The following MGME1 variants were observed in gnomAD, a reference collection of about 807,000 sequenced individuals.
MGME1 encodes chromosome 20 open reading frame 72.
MGME1 carries 22 observed loss-of-function variants against 33.0 expected under a neutral mutation model. The observed-to-expected ratio is 0.67, with a 90% confidence interval of 0.48 to 0.95. The LOEUF is 0.95. Ranked by LOEUF, MGME1 falls within the 40% of genes least tolerant of loss-of-function variation. The probability of loss-of-function intolerance (pLI) is 0.00; values close to 1 mark genes in which losing one functional copy is unlikely to be tolerated. For missense variants in MGME1, 383 were observed against 397.8 expected, an observed-to-expected ratio of 0.96 and a Z score of 0.32; for synonymous variants, 133 against 144.0, an observed-to-expected ratio of 0.92 and a Z score of 0.55.
At chr20:17,974,479 C>CG (rs1295034078) in intron 2 of MGME1, among the ~76,000 whole-genome samples, 2 of 152,044 alleles carry the variant, frequency 1.3e-5, no homozygotes, top group Non-Finnish European at 2.9e-5. Context: ...TCCTGGGATA[C>CG]GCCAACAAAT....
At chr20:17,981,600 C>T (rs1245056193) in intron 3 of MGME1, among the ~76,000 whole-genome samples, 1 of 151,976 alleles carries the variant, frequency 6.6e-6, no homozygotes, top group Non-Finnish European at 1.5e-5. Context: ...CTCAGCCTCC[C>T]AAAGTGCTGG....
In MGME1 at chr20:17,969,833, A is replaced by G. The variant is rs201314304; in HGVS notation, c.-27A>G. ...AACATAAAGGCCTTCGACCGTTGCA[A>G]ATAGACTAAAGTGAAAACAAATCTG... On this transcript the variant is annotated 5_prime_UTR_variant, in exon 2 of 5. Transcript: ENST00000377710. 201 of 1,577,078 alleles carry G rather than the reference A, an allele frequency of 1.3e-4. 1 individual carries two copies. Among genetic ancestry groups the G allele is most frequent in the Admixed American group, 2.3e-4 (12 of 52,394 alleles).
At position 17,975,687 on chromosome 20, in the gene MGME1, T is replaced by C; in HGVS notation, c.515T>C (p.Val172Ala). The C allele has an allele frequency of 1.9e-6, 3 of 1,611,870 alleles. No homozygotes were observed. Among genetic ancestry groups the C allele is most frequent in the Non-Finnish European group, 2.5e-6 (3 of 1,178,234 alleles). Reference sequence around the variant, plus strand: ...TTTTCCCTGATTTTCTTTTCAGACGTCTTTTTACAAGGGAAACGGTTCCAC... The same window carrying C: ...TTTTCCCTGATTTTCTTTTCAGACGCCTTTTTACAAGGGAAACGGTTCCAC... ...EDGFKEYTSNVFLQGKRFHEA... is the reference protein window; with the variant it reads ...EDGFKEYTSNAFLQGKRFHEA... Residue 172 changes from valine (V) to alanine (A), a missense_variant, in exon 3 of 5, where the codon GTC becomes GCC. Coordinates refer to ENST00000377710, the MANE Select transcript of MGME1 (RefSeq NM_052865.4).
upstream of MGME1, chr20:17,968,870 C>G: frequency 5.9e-6 from 1 of 168,478 alleles, no homozygotes; most frequent in Non-Finnish European, 1.3e-5. Flanking sequence ...GTCACCAGAT[C>G]TCGTGAGAGC....
chr20:17,976,624 AC>A (rs1234788370), intron 3 of MGME1, among the ~76,000 whole-genome samples: 1 of 152,066 alleles, frequency 6.6e-6, no homozygotes, highest in African/African-American at 2.4e-5. Context: ...AGAGATCTGA[AC>A]TTACTAAAGC....
intron 3 of MGME1, among the ~76,000 whole-genome samples, chr20:17,982,151 G>A (rs1197049037): frequency 2.6e-5 from 4 of 152,124 alleles, no homozygotes; most frequent in East Asian, 1.9e-4. Flanking sequence ...TTCTTGAGAC[G>A]GAGTTTCACC....
chr20:17,990,417 G>GGGA lies in MGME1; in HGVS notation c.*310_*311insAGG. On this transcript the variant is annotated 3_prime_UTR_variant, in exon 5 of 5. Coordinates refer to ENST00000377710, the MANE Select transcript of MGME1 (RefSeq NM_052865.4). ...TACTCCCTTGAGGGACATTGGGGGG[G>GGGA]GGGGGGCGTGGTCCCAGGCAGGATG... 2.9e-6 allele frequency: 1 copy of GGGA among 340,108 alleles called. No homozygotes were observed. Among genetic ancestry groups the GGGA allele is most frequent in the Non-Finnish European group, 5.4e-6 (1 of 183,594 alleles). The allele number at this position is 340,108 out of a possible 1,614,324, so 21.1% of individuals were successfully genotyped here.
rs1555792155 is a variant in MGME1, at chr20:17,990,410, T to TGTGGGG, written c.*302_*303insTGGGGG. 1 of 44,504 alleles carries TGTGGGG rather than the reference T, an allele frequency of 2.2e-5. No homozygotes were observed. Among genetic ancestry groups the TGTGGGG allele is most frequent in the African/African-American group, 1.4e-4 (1 of 7,190 alleles). The allele number at this position is 44,504 out of a possible 1,614,324, so 2.8% of individuals were successfully genotyped here. A position where few individuals can be genotyped will look rare whatever the true frequency, so the allele number is the denominator to read the frequency against. ...ACTCTTGTACTCCCTTGAGGGACATTGGGGGGGGGGGGGCGTGGTCCCAGG... is the reference window on the plus strand; with the variant it reads ...ACTCTTGTACTCCCTTGAGGGACATTGTGGGGGGGGGGGGGGGGGCGTGGTCCCAGG... On this transcript the variant is annotated 3_prime_UTR_variant, in exon 5 of 5. Coordinates refer to ENST00000377710, the MANE Select transcript of MGME1 (RefSeq NM_052865.4).
intron 3 of MGME1, among the ~76,000 whole-genome samples, chr20:17,978,320 T>C (rs2035919446): frequency 6.6e-6 from 1 of 152,176 alleles, no homozygotes; most frequent in Non-Finnish European, 1.5e-5. Context: ...TTCTCCTGCC[T>C]CAGCCTCCCA....
chr20:17,974,070 T>G (rs1039802321), intron 2 of MGME1, among the ~76,000 whole-genome samples: 4 of 144,888 alleles, frequency 2.8e-5, no homozygotes, highest in African/African-American at 1.0e-4. Context: ...TGTTTTTTTT[T>G]TTTTTTTTTT....
At chr20:17,973,944 T>C (rs1243171287) in intron 2 of MGME1, among the ~76,000 whole-genome samples, 1 of 152,144 alleles carries the variant, frequency 6.6e-6, no homozygotes, top group Non-Finnish European at 1.5e-5. Flanking sequence ...GTTTGAAAAT[T>C]AAATAATGTT....
At chr20:17,974,007 TCTTA>T (rs1475776200) in intron 2 of MGME1, among the ~76,000 whole-genome samples, 2 of 151,456 alleles carry the variant, frequency 1.3e-5, no homozygotes, top group Non-Finnish European at 2.9e-5. Context: ...CTTTCTCTCC[TCTTA>T]CTAAGAAACA....
At chr20:17,987,254 C>G (rs1243444148) in intron 3 of MGME1, among the ~76,000 whole-genome samples, 2 of 150,970 alleles carry the variant, frequency 1.3e-5, no homozygotes, top group Non-Finnish European at 3.0e-5. Flanking sequence ...GATTGTCAAA[C>G]TTGGCAATAT....
intron 2 of MGME1, 64 bp from the exon 3 acceptor site, chr20:17,975,620 T>C: frequency 1.6e-6 from 2 of 1,213,016 alleles, no homozygotes; most frequent in East Asian, 2.4e-5. Flanking sequence ...TTTAGAGTAT[T>C]TGTTTTTCAG....
chr20:17,989,067 C>T (rs1405034949), intron 4 of MGME1, among the ~76,000 whole-genome samples: 2 of 151,638 alleles, frequency 1.3e-5, no homozygotes, highest in African/African-American at 2.4e-5. Context: ...CTAGCCTGGC[C>T]GACAGAGCAA....
Position 17,986,826 on chromosome 20 carries a change from TA to T in MGME1, c.732-1338del, listed in dbSNP as rs552437839. 2.0e-3 allele frequency among the ~76,000 whole-genome samples: 312 copies of T among 152,198 alleles called. 3 individuals are homozygous for T. The highest frequency in any genetic ancestry group is 7.9e-3 in the South Asian group (38 of 4,826). ...TATTTTATAGTTTTCAGAATGCTAT[TA>T]AGGTTTTTTTTTTTACATTTATTAA... On this transcript the variant is annotated intron_variant, in intron 3 of 4. Transcript: ENST00000377710.
Position 17,990,136 on chromosome 20 carries a change from C to G in MGME1, c.*27C>G, listed in dbSNP as rs765049495. ...GAGCAAGTTGCTATTTGGGAACATT[C>G]AGCACCTTCTCACAGTTTGGGAACA... On this transcript the variant is annotated 3_prime_UTR_variant, in exon 5 of 5. Coordinates refer to ENST00000377710, the MANE Select transcript of MGME1 (RefSeq NM_052865.4). The G allele has an allele frequency of 3.7e-6, 6 of 1,604,626 alleles. No homozygotes were observed. The African/African-American group carries it at 5.4e-5, about 14-fold the overall frequency.
At chr20:17,980,956 G>T (rs2036001190) in intron 3 of MGME1, among the ~76,000 whole-genome samples, 1 of 151,912 alleles carries the variant, frequency 6.6e-6, no homozygotes, top group African/African-American at 2.4e-5. Flanking sequence ...ATTACATGGA[G>T]ATCTTTTTTT....
chr20:17,986,054 G>A (rs1185249790), intron 3 of MGME1, among the ~76,000 whole-genome samples: 2 of 151,322 alleles, frequency 1.3e-5, no homozygotes, highest in Non-Finnish European at 2.9e-5. Flanking sequence ...CTATTTCTGT[G>A]AAAAATGATG....
Sources: gnomAD v4.1 joint callset for allele counts (sites outside exome capture counted in the v4.1 genomes callset) on GRCh38, gnomAD v4.1.1 for gene constraint, MANE v1.5 for transcripts, NCBI Gene and HGNC (gene_info 2026-07-23, HGNC 2026-07-21) for gene names.